USH2A: variants seen among roughly 807,000 people sequenced by gnomAD.
The protein encoded by USH2A is Usher syndrome 2A (autosomal recessive, mild).
USH2A carries 443 observed loss-of-function variants against 538.9 expected under a neutral mutation model. That is an observed-to-expected ratio of 0.82 (90% CI 0.76 to 0.89). The LOEUF (loss-of-function observed/expected upper bound fraction) is 0.89, where lower values mean the gene tolerates loss of function less well. Ranked by LOEUF, USH2A falls within the 40% of genes least tolerant of loss-of-function variation. USH2A has a pLI of 0.00. For synonymous variants in USH2A, 2,413 were observed against 2,273.5 expected, an observed-to-expected ratio of 1.06 and a Z score of -1.75; for missense variants, 6,633 against 6,324.8, an observed-to-expected ratio of 1.05 and a Z score of -1.65.
chr1:216,289,161 A>G (rs1325866105), intron 11 of USH2A, 119 bp downstream of exon 11: 4 of 1,452,940 alleles, frequency 2.8e-6, no homozygotes, highest in Non-Finnish European at 3.8e-6. Context: ...TTTGAAATGC[A>G]AATGCACATA....
chr1:216,342,357 G>A (rs1293024358), intron 4 of USH2A, among the ~76,000 whole-genome samples: 1 of 152,084 alleles, frequency 6.6e-6, no homozygotes, highest in African/African-American at 2.4e-5. Flanking sequence ...GTGAGACTGT[G>A]GAGAAACAGG....
intron 4 of USH2A, among the ~76,000 whole-genome samples, chr1:216,340,005 G>C (rs1172622438): frequency 6.6e-6 from 1 of 151,304 alleles, no homozygotes; most frequent in Admixed American, 6.6e-5. Flanking sequence ...CTGAAGGAGA[G>C]AGAGACACGA....
intron 37 of USH2A, among the ~76,000 whole-genome samples, chr1:215,936,211 A>C (rs1015634116): frequency 1.3e-5 from 2 of 152,114 alleles, no homozygotes; most frequent in African/African-American, 4.8e-5. Flanking sequence ...TACTGGCAAG[A>C]TCTCCAGATA....
chr1:215,720,141 A>C (rs773210535), intron 61 of USH2A, among the ~76,000 whole-genome samples: 3 of 152,178 alleles, frequency 2.0e-5, no homozygotes, highest in East Asian at 1.9e-4. Context: ...ATGAAGATCT[A>C]TGTAGACAAC....
chr1:216,257,376 G>A (rs1315810105), intron 11 of USH2A, among the ~76,000 whole-genome samples: 2 of 151,432 alleles, frequency 1.3e-5, no homozygotes, highest in Non-Finnish European at 3.0e-5. Context: ...GCATTATTTT[G>A]GATAGGAAAT....
rs565440397 is a variant in USH2A at position 215,674,170 on chromosome 1, G to A, written c.13741C>T (p.His4581Tyr). 6.2e-7 allele frequency: 1 copy of A among 1,614,098 alleles called. No homozygotes were observed. Residue 4581 changes from histidine to tyrosine, a missense_variant, in exon 63 of 72, where the codon CAC becomes TAC. By Grantham distance (83) the His-to-Tyr change is moderately conservative (BLOSUM62 2). Coordinates refer to ENST00000307340, the MANE Select transcript of USH2A (RefSeq NM_206933.4). ...AAAGAATTATGAGTTGTGTTTATGT[G>A]TATGATTTTAGTTTCTCTTTCAAAT... ...ELFERETKII[H>Y]INTTHNSFGM...
At chr1:216,155,781 G>A (rs1299419806) in intron 21 of USH2A, among the ~76,000 whole-genome samples, 1 of 152,064 alleles carries the variant, frequency 6.6e-6, no homozygotes, top group Admixed American at 6.6e-5. Context: ...ACAATTGCAA[G>A]AATGCAATAG....
chr1:216,016,623 C>A (rs1197864795), intron 32 of USH2A, among the ~76,000 whole-genome samples: 1 of 152,140 alleles, frequency 6.6e-6, no homozygotes, highest in East Asian at 1.9e-4. Flanking sequence ...TTGTAAGCAT[C>A]CTTATACCAG....
rs140199346 is a variant in USH2A, at chr1:216,196,571, A to T, written c.4233T>A (p.Ile1411=). 6.2e-7 allele frequency: 1 copy of T among 1,613,530 alleles called. No individual in the cohort carries two copies. Among genetic ancestry groups the T allele is most frequent in the African/African-American group, 1.3e-5 (1 of 75,008 alleles). ...MLSEQSPQQS[I]PMAFSQLLHT... ...ACAATACCTGTGAAAACGCCATGGG[A>T]ATAGACTGTTGAGGTGATTGTTCAG... is the stretch of plus-strand genomic sequence containing the variant. Residue 1411 remains isoleucine (I), a synonymous_variant, in exon 19 of 72, where the codon ATT becomes ATA. Coordinates refer to ENST00000307340, the MANE Select transcript of USH2A (RefSeq NM_206933.4).
intron 46 of USH2A, among the ~76,000 whole-genome samples, 164 bp from the exon 47 acceptor site, chr1:215,838,267 G>T (rs957567220): frequency 6.6e-5 from 10 of 152,118 alleles, no homozygotes; most frequent in African/African-American, 2.4e-4. Context: ...GACTCCAAAG[G>T]AATGAGCTCA....
At chr1:215,646,802 C>T (rs776626590) in intron 67 of USH2A, among the ~76,000 whole-genome samples, 3 of 152,178 alleles carry the variant, frequency 2.0e-5, no homozygotes, top group Non-Finnish European at 2.9e-5. Context: ...GCTGGGATTA[C>T]AGGCGTGAGC....
At chr1:215,753,649 CG>C (rs1660693125) in intron 58 of USH2A, among the ~76,000 whole-genome samples, 1 of 151,050 alleles carries the variant, frequency 6.6e-6, no homozygotes, top group Non-Finnish European at 1.5e-5. Context: ...CATCACATAC[CG>C]GGGCCTGTTG....
Position 215,759,802 on chromosome 1 carries a change from T to C in USH2A, c.11089A>G (p.Thr3697Ala), listed in dbSNP as rs765454203. 1.4e-5 allele frequency: 23 copies of C among 1,613,888 alleles called. No homozygotes were observed. Among genetic ancestry groups the C allele is most frequent in the Admixed American group, 1.7e-5 (1 of 59,984 alleles). ...TPRHIIINST[T>A]VELYWSLPEK... The stretch of plus-strand genomic sequence containing the variant: ...GGCAGACTCCAATATAATTCCACTG[T>C]TGTAGAATTGATGATAATGTGTCGA... Residue 3697 changes from threonine to alanine, a missense_variant, in exon 57 of 72, where the codon ACA becomes GCA. Transcript: ENST00000307340.
intron 3 of USH2A, among the ~76,000 whole-genome samples, chr1:216,397,758 T>G (rs1242762052): frequency 6.6e-6 from 1 of 152,250 alleles, no homozygotes; most frequent in Non-Finnish European, 1.5e-5. Flanking sequence ...TTCCCTGGTT[T>G]TGAAGCTTTG....
At position 216,217,468 on chromosome 1, in the gene USH2A, A is replaced by T; in HGVS notation, c.3076T>A (p.Phe1026Ile). ...LVTGQCFCKQ[F>I]VTGSKCDACV... ...GCATCACACTTTGAGCCAGTGACAA[A>T]TTGTTTACAGAAACACTGGCCTGTG... Residue 1026 changes from phenylalanine (F) to isoleucine (I), a missense_variant, in exon 15 of 72, where the codon TTT becomes ATT. Physicochemically the swap from Phe to Ile is conservative, Grantham distance 21. Coordinates refer to ENST00000307340, the MANE Select transcript of USH2A (RefSeq NM_206933.4). 6.2e-7 allele frequency: 1 copy of T among 1,613,332 alleles called. No individual in the cohort carries two copies. Among genetic ancestry groups the T allele is most frequent in the Middle Eastern group, 1.7e-4 (1 of 6,054 alleles).
intron 52 of USH2A, 108 bp downstream of exon 52, chr1:215,786,557 ATGTAC>A: frequency 8.7e-7 from 1 of 1,145,674 alleles, no homozygotes; most frequent in Non-Finnish European, 1.3e-6. Context: ...GTATGATGGA[ATGTAC>A]TGATATCAGT....
chr1:215,816,968 G>C (rs770093107), intron 48 of USH2A, 29 bp downstream of exon 48: 5 of 1,607,600 alleles, frequency 3.1e-6, no homozygotes, highest in Non-Finnish European at 4.3e-6. Context: ...AGAAAAACAT[G>C]GTTCACTGAT....
intron 21 of USH2A, among the ~76,000 whole-genome samples, chr1:216,169,863 AG>A (rs2034244726): frequency 6.6e-6 from 1 of 152,166 alleles, no homozygotes; most frequent in African/African-American, 2.4e-5. Flanking sequence ...TTCAATAACT[AG>A]GGCTGAAATC....
At chr1:215,862,633 C>T (rs146994084) in intron 44 of USH2A, among the ~76,000 whole-genome samples, 1,551 of 152,266 alleles carry the variant, frequency 0.01, 15 homozygotes, top group Non-Finnish European at 0.016. Context: ...CTAGACATGG[C>T]TTCCCCTTTT....
Sources: gnomAD v4.1 joint callset for allele counts (sites outside exome capture counted in the v4.1 genomes callset) on GRCh38, gnomAD v4.1.1 for gene constraint, MANE v1.5 for transcripts, NCBI Gene and HGNC (gene_info 2026-07-23, HGNC 2026-07-21) for gene names.